The following CACNA2D3 variants were observed in gnomAD, a reference collection of about 807,000 sequenced individuals.
CACNA2D3 encodes the protein voltage-dependent calcium channel subunit alpha-2/delta-3.
Under a neutral mutation model 160.6 loss-of-function variants are expected in CACNA2D3, and 60 were observed. The ratio of observed to expected loss-of-function variants is 0.37; its 90% CI spans 0.30 to 0.46. CACNA2D3 has a LOEUF of 0.46. CACNA2D3 is among the 20% of genes least tolerant of loss of function. CACNA2D3 has a pLI of 1.00. For synonymous variants in CACNA2D3, 558 were observed against 492.9 expected, an observed-to-expected ratio of 1.13 and a Z score of -1.75; for missense variants, 1,205 against 1,365.0, an observed-to-expected ratio of 0.88 and a Z score of 1.85.
At chr3:54,298,335 C>T (rs1488238551) in intron 2 of CACNA2D3, among the ~76,000 whole-genome samples, 1 of 152,234 alleles carries the variant, frequency 6.6e-6, no homozygotes, top group Non-Finnish European at 1.5e-5. Flanking sequence ...CTTTCTAGCA[C>T]TCACACAGGG....
At chr3:54,743,691 G>A (rs1178244206) in intron 11 of CACNA2D3, among the ~76,000 whole-genome samples, 1 of 152,106 alleles carries the variant, frequency 6.6e-6, no homozygotes, top group African/African-American at 2.4e-5. Flanking sequence ...TTTGTTCATG[G>A]TATTGAATCT....
At chr3:54,231,178 G>A (rs1701763177) in intron 2 of CACNA2D3, among the ~76,000 whole-genome samples, 1 of 152,154 alleles carries the variant, frequency 6.6e-6, no homozygotes. Flanking sequence ...GCTGGGGATA[G>A]GGTCTCTAGG....
intron 27 of CACNA2D3, among the ~76,000 whole-genome samples, chr3:54,944,814 G>GGTGTGT (rs34193625): frequency 6.8e-4 from 76 of 111,408 alleles, no homozygotes; most frequent in African/African-American, 2.9e-3. Context: ...TAGAGCTGGG[G>GGTGTGT]GTGTGTGTGT....
chr3:55,013,690 A>G (rs943173516), intron 34 of CACNA2D3, among the ~76,000 whole-genome samples: 7 of 152,120 alleles, frequency 4.6e-5, no homozygotes, highest in African/African-American at 1.7e-4. Context: ...GGACTGTGGA[A>G]GCCCATTTCT....
intron 27 of CACNA2D3, chr3:54,928,011 C>A: frequency 9.0e-7 from 1 of 1,111,374 alleles, no homozygotes; most frequent in Non-Finnish European, 1.4e-6. Context: ...CCCAGCTTTA[C>A]ATTCAGTCTT....
chr3:54,132,216 T>G (rs185678386), intron 2 of CACNA2D3, among the ~76,000 whole-genome samples: 1 of 152,374 alleles, frequency 6.6e-6, no homozygotes, highest in African/African-American at 2.4e-5. Context: ...CGTTTGGATA[T>G]TCTTTCCTCT....
chr3:54,966,727 G>T (rs560419580), intron 27 of CACNA2D3, among the ~76,000 whole-genome samples: 1 of 152,254 alleles, frequency 6.6e-6, no homozygotes, highest in East Asian at 1.9e-4. Context: ...GCTGAGGCAT[G>T]AGAATCACTT....
intron 9 of CACNA2D3, among the ~76,000 whole-genome samples, chr3:54,614,653 T>G (rs1343366703): frequency 2.0e-5 from 3 of 152,188 alleles, no homozygotes; most frequent in Admixed American, 2.0e-4. Flanking sequence ...TGTAAATGGT[T>G]AAGAATGGTG....
At chr3:54,530,771 T>C (rs952888346) in intron 5 of CACNA2D3, among the ~76,000 whole-genome samples, 7 of 152,138 alleles carry the variant, frequency 4.6e-5, no homozygotes, top group African/African-American at 1.7e-4. Context: ...ATTCGTATGC[T>C]CAACCATATG....
chr3:54,935,430 A>G (rs577932260), intron 27 of CACNA2D3, among the ~76,000 whole-genome samples: 1 of 152,352 alleles, frequency 6.6e-6, no homozygotes, highest in East Asian at 1.9e-4. Context: ...TGGAATAAAC[A>G]TAGGCAGATG....
chr3:54,856,440 C>T (rs753404696), intron 17 of CACNA2D3, among the ~76,000 whole-genome samples: 15 of 152,066 alleles, frequency 9.9e-5, no homozygotes, highest in Non-Finnish European at 1.5e-4. Context: ...ACCCTTCCTC[C>T]CTTCCTTTTT....
At chr3:54,788,073 A>G (rs948345317) in intron 13 of CACNA2D3, among the ~76,000 whole-genome samples, 1 of 152,164 alleles carries the variant, frequency 6.6e-6, no homozygotes, top group African/African-American at 2.4e-5. Context: ...TCTGTCCCCA[A>G]TACTGTTACT....
At chr3:54,224,760 C>G (rs1359181998) in intron 2 of CACNA2D3, among the ~76,000 whole-genome samples, 3 of 152,014 alleles carry the variant, frequency 2.0e-5, no homozygotes, top group Non-Finnish European at 2.9e-5. Flanking sequence ...TTATTTCATA[C>G]AAAGTGTGTT....
intron 14 of CACNA2D3, among the ~76,000 whole-genome samples, chr3:54,836,239 TTTG>T (rs1364375083): frequency 0.013 from 1,763 of 139,714 alleles, 34 homozygotes; most frequent in African/African-American, 0.042. Context: ...TTTTTTTTTT[TTTG>T]TTTTTGTTTT....
At chr3:54,542,335 C>T (rs1213492537) in intron 5 of CACNA2D3, among the ~76,000 whole-genome samples, 3 of 152,122 alleles carry the variant, frequency 2.0e-5, no homozygotes, top group African/African-American at 7.2e-5. Flanking sequence ...GCTGAGATTA[C>T]AGGTGTGAGC....
At chr3:54,525,696 A>G (rs1701713791) in intron 5 of CACNA2D3, among the ~76,000 whole-genome samples, 1 of 151,376 alleles carries the variant, frequency 6.6e-6, no homozygotes, top group Non-Finnish European at 1.5e-5. Flanking sequence ...TTTTAATGTT[A>G]TGCAGTTTCA....
intron 8 of CACNA2D3, among the ~76,000 whole-genome samples, chr3:54,570,718 G>A (rs1346794825): frequency 6.6e-6 from 1 of 152,102 alleles, no homozygotes; most frequent in Non-Finnish European, 1.5e-5. Flanking sequence ...TCAAATGAAG[G>A]TGCTGAGATT....
At chr3:54,410,598 A>G (rs749395546) in intron 4 of CACNA2D3, among the ~76,000 whole-genome samples, 3 of 152,196 alleles carry the variant, frequency 2.0e-5, no homozygotes, top group Non-Finnish European at 1.5e-5. Flanking sequence ...GGTTTACTGA[A>G]TATTTTAAGC....
intron 12 of CACNA2D3, among the ~76,000 whole-genome samples, chr3:54,756,395 G>A (rs1701971963): frequency 6.6e-6 from 1 of 152,144 alleles, no homozygotes; most frequent in South Asian, 2.1e-4. Context: ...AGGGGTTTTG[G>A]ACCATGTAAC....
Sources: gnomAD v4.1 joint callset for allele counts (sites outside exome capture counted in the v4.1 genomes callset) on GRCh38, gnomAD v4.1.1 for gene constraint, MANE v1.5 for transcripts, NCBI Gene and HGNC (gene_info 2026-07-23, HGNC 2026-07-21) for gene names.